The following LAMA2 variants were observed in gnomAD, a reference collection of about 807,000 sequenced individuals.
LAMA2 encodes laminin subunit alpha-2.
LAMA2 carries 269 observed loss-of-function variants against 364.8 expected under a neutral mutation model. The ratio of observed to expected loss-of-function variants is 0.74; its 90% CI spans 0.67 to 0.82. The LOEUF is 0.82. Ranked by LOEUF, LAMA2 falls within the 40% of genes least tolerant of loss-of-function variation. The probability of loss-of-function intolerance (pLI) is 0.00; values close to 1 mark genes in which losing one functional copy is unlikely to be tolerated. For synonymous variants in LAMA2, 1,379 were observed against 1,370.6 expected, an observed-to-expected ratio of 1.01 and a Z score of -0.14; for missense variants, 3,807 against 3,873.2, an observed-to-expected ratio of 0.98 and a Z score of 0.45.
intron 12 of LAMA2, among the ~76,000 whole-genome samples, chr6:129,203,338 C>G (rs1782421251): frequency 6.6e-6 from 1 of 152,242 alleles, no homozygotes; most frequent in African/African-American, 2.4e-5. Context: ...TTCTGACACA[C>G]TAGCCTACGT....
intron 1 of LAMA2, among the ~76,000 whole-genome samples, chr6:128,891,381 A>T: frequency 6.6e-6 from 1 of 152,170 alleles, no homozygotes; most frequent in East Asian, 1.9e-4. Context: ...ATATTTTTTC[A>T]AATGCCTACA....
chr6:129,510,132 C>G (rs1319914943), intron 62 of LAMA2, among the ~76,000 whole-genome samples: 3 of 151,948 alleles, frequency 2.0e-5, no homozygotes, highest in African/African-American at 7.2e-5. Flanking sequence ...AGCAGTCAGA[C>G]AAGAGAAAAA....
chr6:129,353,993 A>G (rs1180025623), intron 32 of LAMA2, among the ~76,000 whole-genome samples: 1 of 152,216 alleles, frequency 6.6e-6, no homozygotes, highest in Non-Finnish European at 1.5e-5. Flanking sequence ...ATCAGTAGCT[A>G]AATATAATTC....
At chr6:129,513,552 C>A (rs571389010) in intron 63 of LAMA2, among the ~76,000 whole-genome samples, 334 of 152,238 alleles carry the variant, frequency 2.2e-3, no homozygotes, top group African/African-American at 7.3e-3. Context: ...AAACTTTTCA[C>A]CTATTTACTT....
intron 1 of LAMA2, chr6:128,929,135 T>G: frequency 6.9e-7 from 1 of 1,440,270 alleles, no homozygotes; most frequent in African/African-American, 1.4e-5. Flanking sequence ...AAACTCTGGA[T>G]AGGGATTTAC....
chr6:129,328,261 G>T lies in LAMA2; in HGVS notation c.4177-17G>T, dbSNP rs565577484. 8 of 1,612,402 alleles carry T rather than the reference G, an allele frequency of 5.0e-6. No individual in the cohort carries two copies. In the South Asian group the frequency reaches 7.7e-5, roughly 15 times the overall value. Reference sequence around the variant, plus strand: ...ATTTCTAACTTTGCTGTCCTAATTGGCTTCCTTTTCTTTCAGGCATGCTTG... The same window carrying T: ...ATTTCTAACTTTGCTGTCCTAATTGTCTTCCTTTTCTTTCAGGCATGCTTG... On this transcript the variant is annotated splice_polypyrimidine_tract_variant and intron_variant, in intron 28 of 64. Transcript: ENST00000421865.
chr6:129,346,586 G>T (rs1424937034), intron 30 of LAMA2, among the ~76,000 whole-genome samples: 1 of 150,756 alleles, frequency 6.6e-6, no homozygotes, highest in Non-Finnish European at 1.5e-5. Flanking sequence ...ACACAGAATT[G>T]TAAATTCTTT....
chr6:128,889,574 C>T lies in LAMA2; in HGVS notation c.112+6217C>T, dbSNP rs182728285. ...CTTCTCTTTCTCCCTTCCTTTCTTC[C>T]TTCCTCCCTTTCTTTATTTTCCTTT... is the stretch of plus-strand genomic sequence containing the variant. On this transcript the variant is annotated intron_variant, in intron 1 of 64. Transcript: ENST00000421865. 2.3e-4 allele frequency among the ~76,000 whole-genome samples: 35 copies of T among 152,138 alleles called. No individual in the cohort carries two copies. The East Asian group carries it at 6.2e-3, about 27-fold the overall frequency.
intron 1 of LAMA2, among the ~76,000 whole-genome samples, chr6:128,970,271 G>C (rs186616619): frequency 1.9e-3 from 295 of 152,080 alleles, no homozygotes; most frequent in South Asian, 5.6e-3. Context: ...CTTTTATTAC[G>C]TGACAAGGTT....
rs141395430 is a variant in LAMA2, at chr6:129,290,243, A to G, written c.2750-1371A>G. On this transcript the variant is annotated intron_variant, in intron 19 of 64. Coordinates refer to ENST00000421865, the MANE Select transcript of LAMA2 (RefSeq NM_000426.4). Reference sequence around the variant, plus strand: ...TAATTTGATATTTTAAAAATGTATGATATGCATAAGAAACTTTCATAAAAT... The same window carrying G: ...TAATTTGATATTTTAAAAATGTATGGTATGCATAAGAAACTTTCATAAAAT... Among the ~76,000 whole-genome samples, 610 of 152,290 alleles carry G rather than the reference A, an allele frequency of 4.0e-3. 7 individuals carry two copies. The highest frequency in any genetic ancestry group is 0.014 in the African/African-American group (594 of 41,576).
At position 129,250,213 on chromosome 6, in the gene LAMA2, G is replaced by A; in HGVS notation, c.1884G>A (p.Glu628=). Residue 628 remains glutamate, a splice_region_variant and synonymous_variant, in exon 13 of 65, where the codon GAG becomes GAA. Coordinates refer to ENST00000421865, the MANE Select transcript of LAMA2 (RefSeq NM_000426.4). ...TTCTCCAGCTTATGATTATCTTAGA[G>A]GTAGAGTACTGAGAGCATGTTCACC... The part of the protein sequence containing the change: ...ERVLQLMIIL[E]GNDLSISTAQ... 2.0e-6 allele frequency: 3 copies of A among 1,535,458 alleles called. No individual in the cohort carries two copies. The highest frequency in any genetic ancestry group is 2.7e-6 in the Non-Finnish European group (3 of 1,109,974).
chr6:129,383,219 C>T lies in LAMA2; in HGVS notation c.5057C>T (p.Ala1686Val), dbSNP rs1778795710. Residue 1686 changes from alanine to valine, a missense_variant, in exon 35 of 65, where the codon GCC becomes GTC. Physicochemically the swap from Ala to Val is moderately conservative, Grantham distance 64. This residue lies in a region of LAMA2 where 3,333 missense variants were observed against 3,345.7 expected (regional missense o/e 1.00). Transcript: ENST00000421865. ...KSLGEFIKELARDAEAVNEKA... is the reference protein window; with the variant it reads ...KSLGEFIKELVRDAEAVNEKA... ...CTGGGAGAATTCATTAAGGAGCTTG[C>T]CCGGGATGCAGAAGGTATTAGAAAG... The T allele has an allele frequency of 6.2e-7, 1 of 1,611,786 alleles. No homozygotes were observed. The highest frequency in any genetic ancestry group is 8.5e-7 in the Non-Finnish European group (1 of 1,178,412).
In LAMA2 at chr6:129,393,032, G is replaced by A. The variant is rs920823785; in HGVS notation, c.5235-13G>A. The A allele has an allele frequency of 1.7e-5, 28 of 1,609,508 alleles. No homozygotes were observed. Among genetic ancestry groups the A allele is most frequent in the Non-Finnish European group, 2.4e-5 (28 of 1,177,134 alleles). ...GAGCTCATTGTCTATTATTGGGCTGGGGGTGGTTACAGAGCTGCAGAAGCC... is the reference window on the plus strand; with the variant it reads ...GAGCTCATTGTCTATTATTGGGCTGAGGGTGGTTACAGAGCTGCAGAAGCC... On this transcript the variant is annotated splice_polypyrimidine_tract_variant and intron_variant, in intron 36 of 64. Transcript: ENST00000421865.
At chr6:129,304,457 G>GT in intron 22 of LAMA2, among the ~76,000 whole-genome samples, 1 of 152,188 alleles carries the variant, frequency 6.6e-6, no homozygotes, top group South Asian at 2.1e-4. Flanking sequence ...TAGAGACGGG[G>GT]TTTCACCGCG....
intron 2 of LAMA2, among the ~76,000 whole-genome samples, chr6:129,056,038 C>A (rs532912315): frequency 1.3e-5 from 2 of 152,296 alleles, no homozygotes; most frequent in African/African-American, 4.8e-5. Context: ...GTGGCAGATA[C>A]CACAATTTCC....
intron 1 of LAMA2, among the ~76,000 whole-genome samples, chr6:129,047,741 G>A (rs1026406112): frequency 6.6e-6 from 1 of 152,002 alleles, no homozygotes; most frequent in Non-Finnish European, 1.5e-5. Flanking sequence ...AATTTTTACT[G>A]TACTATTATC....
intron 27 of LAMA2, among the ~76,000 whole-genome samples, chr6:129,317,615 T>TA (rs1181562238): frequency 1.3e-5 from 2 of 152,076 alleles, no homozygotes; most frequent in Non-Finnish European, 2.9e-5. Flanking sequence ...AAAATATACT[T>TA]AAAAAACGCT....
chr6:129,201,570 A>G (rs1782290386), intron 12 of LAMA2, among the ~76,000 whole-genome samples: 2 of 152,188 alleles, frequency 1.3e-5, no homozygotes, highest in Admixed American at 1.3e-4. Flanking sequence ...CCAAACTACA[A>G]GCTACTCTAG....
At chr6:129,132,890 TAAGTA>T (rs1246589344) in intron 4 of LAMA2, among the ~76,000 whole-genome samples, 1 of 152,188 alleles carries the variant, frequency 6.6e-6, no homozygotes, top group Non-Finnish European at 1.5e-5. Context: ...ATAGAGAGAT[TAAGTA>T]AATTGTCTAA....
Sources: allele counts gnomAD v4.1 joint callset (sites outside exome capture counted in the v4.1 genomes callset), GRCh38; gene constraint gnomAD v4.1.1; regional missense constraint gnomAD v4.1.1; transcripts MANE v1.5; gene names NCBI Gene and HGNC (gene_info 2026-07-23, HGNC 2026-07-21).